Variants in NUP98 observed in about 807,000 individuals in gnomAD.
NUP98 encodes the protein nucleoporin 98 and 96 precursor, also known as nuclear pore complex protein Nup98-Nup96.
NUP98 carries 26 observed loss-of-function variants against 191.9 expected under a neutral mutation model. That is an observed-to-expected ratio of 0.14 (90% CI 0.10 to 0.19). The LOEUF (loss-of-function observed/expected upper bound fraction) is 0.19, where lower values mean the gene tolerates loss of function less well. Among genes scored for constraint, NUP98 ranks in the 10% least tolerant of loss-of-function variants. The pLI is 1.00. For synonymous variants in NUP98, 808 were observed against 778.4 expected, an observed-to-expected ratio of 1.04 and a Z score of -0.63; for missense variants, 1,941 against 2,178.8, an observed-to-expected ratio of 0.89 and a Z score of 2.17.
intron 20 of NUP98, among the ~76,000 whole-genome samples, chr11:3,707,828 T>C (rs2078909602): frequency 6.6e-6 from 1 of 150,530 alleles, no homozygotes; most frequent in Admixed American, 6.7e-5. Flanking sequence ...TGGCTGGTCA[T>C]GGTGGCTCAC....
At chr11:3,772,058 T>C in intron 6 of NUP98, 130 bp from the exon 7 acceptor site, 1 of 707,066 alleles carries the variant, frequency 1.4e-6, no homozygotes. Context: ...AAGAGAAAAC[T>C]AAGGAATGAC....
chr11:3,770,119 T>C (rs916857491), intron 7 of NUP98, among the ~76,000 whole-genome samples: 20 of 149,684 alleles, frequency 1.3e-4, no homozygotes, highest in Admixed American at 1.3e-3. Context: ...CCGAGGCTGG[T>C]TAATCGCCTG....
At chr11:3,785,317 A>G (rs997996661) in intron 1 of NUP98, among the ~76,000 whole-genome samples, 4 of 152,186 alleles carry the variant, frequency 2.6e-5, no homozygotes, top group East Asian at 1.9e-4. Flanking sequence ...CCCTCTATCT[A>G]TCTCTCTTCT....
At chr11:3,725,248 A>G in intron 14 of NUP98, 29 bp from the exon 15 acceptor site, 2 of 1,073,060 alleles carry the variant, frequency 1.9e-6, no homozygotes, top group Non-Finnish European at 2.8e-6. Context: ...AAGAAGAAGA[A>G]AAAAATTACT....
intron 10 of NUP98, among the ~76,000 whole-genome samples, chr11:3,753,950 AAAAT>A (rs1179928873): frequency 1.3e-5 from 2 of 150,704 alleles, no homozygotes; most frequent in Non-Finnish European, 3.0e-5. Context: ...AAAACAAATA[AAAAT>A]AAATAAATAA....
chr11:3,734,873 A>AC (rs1441716722), intron 13 of NUP98, among the ~76,000 whole-genome samples: 6 of 152,172 alleles, frequency 3.9e-5, no homozygotes, highest in Admixed American at 3.9e-4. Flanking sequence ...TACTAGCAAG[A>AC]CATCATCTCA....
rs755816362 is a variant in NUP98 at position 3,729,715 on chromosome 11, C to CAAAAAAAAAAA, written c.1730+1665_1730+1675dup. 2.8e-3 allele frequency among the ~76,000 whole-genome samples: 105 copies of CAAAAAAAAAAA among 37,404 alleles called. 8 individuals are homozygous for CAAAAAAAAAAA. The highest frequency in any genetic ancestry group is 0.011 in the East Asian group (14 of 1,282). 24.5% of individuals were successfully genotyped at this position (37,404 alleles called of 152,430 possible). A position where few individuals can be genotyped will look rare whatever the true frequency, so the allele number is the denominator to read the frequency against. On this transcript the variant is annotated intron_variant, in intron 14 of 32. Coordinates refer to ENST00000324932, the MANE Select transcript of NUP98 (RefSeq NM_016320.5). The stretch of plus-strand genomic sequence containing the variant: ...GGGCAATGGCATAAGACTCTTGCCT[C>CAAAAAAAAAAA]AAAAAAAAAAAAAAAAAAAAAAAAA...
intron 15 of NUP98, among the ~76,000 whole-genome samples, chr11:3,724,749 C>T (rs2079546871): frequency 7.8e-6 from 1 of 128,416 alleles, no homozygotes; most frequent in Non-Finnish European, 1.6e-5. Flanking sequence ...CCACTGCACT[C>T]CAGCCTGGGC....
At chr11:3,711,119 C>T (rs1197777687) in intron 20 of NUP98, among the ~76,000 whole-genome samples, 3 of 151,896 alleles carry the variant, frequency 2.0e-5, no homozygotes, top group Non-Finnish European at 4.4e-5. Flanking sequence ...TGGTGGTATG[C>T]CCTGTAGTCC....
chr11:3,772,092 T>C (rs1170829284), intron 6 of NUP98, among the ~76,000 whole-genome samples, 164 bp from the exon 7 acceptor site: 1 of 152,092 alleles, frequency 6.6e-6, no homozygotes, highest in Non-Finnish European at 1.5e-5. Flanking sequence ...AGAAAAACAT[T>C]TCCAATAGAC....
chr11:3,774,138 G>A (rs556475531), intron 5 of NUP98, among the ~76,000 whole-genome samples: 5 of 152,042 alleles, frequency 3.3e-5, no homozygotes, highest in South Asian at 4.2e-4. Flanking sequence ...GGTGGCTCAC[G>A]CCTGTAATCC....
At position 3,743,594 on chromosome 11, in the gene NUP98, C is replaced by T. The variant is rs541944718; in HGVS notation, c.1408+915G>A. 1.0e-3 allele frequency among the ~76,000 whole-genome samples: 146 copies of T among 146,402 alleles called. 1 individual carries two copies. Among genetic ancestry groups the T allele is most frequent in the African/African-American group, 3.6e-3 (142 of 39,524 alleles). On this transcript the variant is annotated intron_variant, in intron 12 of 32. Transcript: ENST00000324932. ...TCTGGGAGGTAGAGCTTGCAGTAAGCCAAGATCGCACCACTGTACTCCAGC... is the reference window on the plus strand; with the variant it reads ...TCTGGGAGGTAGAGCTTGCAGTAAGTCAAGATCGCACCACTGTACTCCAGC...
chr11:3,693,331 C>A lies in NUP98; in HGVS notation c.4212G>T (p.Gln1404His). The change falls in exon 27 of 33, where the codon CAG (glutamine) becomes CAT (histidine). Residue 1404 changes from glutamine (Q) to histidine (H), a missense_variant. This residue lies in a region of NUP98 where 1,030 missense variants were observed against 1,115.8 expected (regional missense o/e 0.92). Transcript: ENST00000324932. The part of the protein sequence containing the change: ...SEKKQINVCS[Q>H]LDWKRSLAIH... ...TAGCCAGGGAGCGTTTCCAATCCAA[C>A]TGGGAGCACACGTTTATTTGCTTCT... 5 of 1,614,202 alleles carry A rather than the reference C, an allele frequency of 3.1e-6. No individual in the cohort carries two copies. Among genetic ancestry groups the A allele is most frequent in the Non-Finnish European group, 4.2e-6 (5 of 1,180,042 alleles).
chr11:3,759,524 G>T (rs1450620456), intron 10 of NUP98, among the ~76,000 whole-genome samples: 1 of 152,072 alleles, frequency 6.6e-6, no homozygotes, highest in Non-Finnish European at 1.5e-5. Flanking sequence ...TTGAACCCGG[G>T]AGGCAGAGTT....
chr11:3,743,168 G>T (rs944166147), intron 12 of NUP98, among the ~76,000 whole-genome samples: 3 of 151,422 alleles, frequency 2.0e-5, no homozygotes, highest in African/African-American at 7.3e-5. Flanking sequence ...ACATGCACAT[G>T]CCATCATGCC....
intron 24 of NUP98, 57 bp downstream of exon 24, chr11:3,700,553 T>TA: frequency 1.6e-6 from 2 of 1,237,846 alleles, no homozygotes; most frequent in Non-Finnish European, 2.3e-6. Flanking sequence ...CCCGTGAACA[T>TA]ACGCTACCAC....
intron 25 of NUP98, among the ~76,000 whole-genome samples, chr11:3,697,820 T>TAAAAAAAA (rs199874258): frequency 1.9e-4 from 18 of 97,160 alleles, no homozygotes; most frequent in African/African-American, 5.8e-4. Flanking sequence ...GACTCTGTCT[T>TAAAAAAAA]AAAAAAAAAA....
At position 3,696,279 on chromosome 11, in the gene NUP98, A is replaced by G. The variant is rs532684877; in HGVS notation, c.4010-673T>C. Reference sequence around the variant, plus strand: ...TGCTCTGGGAAGCCAAGGCGGGCAAATCACTTGGGGTCAGGAGTTCGAGAC... The same window carrying G: ...TGCTCTGGGAAGCCAAGGCGGGCAAGTCACTTGGGGTCAGGAGTTCGAGAC... On this transcript the variant is annotated intron_variant, in intron 25 of 32. Coordinates refer to ENST00000324932, the MANE Select transcript of NUP98 (RefSeq NM_016320.5). Among the ~76,000 whole-genome samples, 12 of 152,294 alleles carry G rather than the reference A, an allele frequency of 7.9e-5. No individual in the cohort carries two copies. The East Asian group carries it at 1.7e-3, about 22-fold the overall frequency.
chr11:3,791,893 CAT>C (rs2082365079), intron 1 of NUP98, among the ~76,000 whole-genome samples: 1 of 147,562 alleles, frequency 6.8e-6, no homozygotes, highest in South Asian at 2.2e-4. Context: ...CAAAAACATG[CAT>C]TCGGCTGGGC....
Sources: gnomAD v4.1 joint callset for allele counts (sites outside exome capture counted in the v4.1 genomes callset) on GRCh38, gnomAD v4.1.1 for gene constraint, gnomAD v4.1.1 regional missense constraint, MANE v1.5 for transcripts, NCBI Gene and HGNC (gene_info 2026-07-23, HGNC 2026-07-21) for gene names.